NBPF20: variants seen among roughly 807,000 people sequenced by gnomAD.
NBPF20 encodes NBPF family member NBPF20.
NBPF20 carries 90 observed loss-of-function variants against 68.1 expected under a neutral mutation model. That is an observed-to-expected ratio of 1.32 (90% CI 1.11 to 1.58). The LOEUF (loss-of-function observed/expected upper bound fraction) is 1.58, where lower values mean the gene tolerates loss of function less well. Among genes scored for constraint, NBPF20 ranks in the 40% most tolerant of loss-of-function variants. NBPF20 has a pLI of 0.00. For missense variants in NBPF20, 816 were observed against 601.2 expected (o/e 1.36, Z -3.74); for synonymous variants, 290 against 228.1 (o/e 1.27, Z -2.45).
chr1:145,407,401 T>C (rs1267838696), upstream of NBPF20, among the ~76,000 whole-genome samples: 1 of 145,202 alleles, frequency 6.9e-6, no homozygotes, highest in East Asian at 2.0e-4. Flanking sequence ...CGTGTATATA[T>C]ATTATACACA....
chr1:145,291,346 C>A (rs1476239910), exon 138 of NBPF20: 60 of 1,244,038 alleles, frequency 4.8e-5, no homozygotes, highest in Non-Finnish European at 5.8e-5. Flanking sequence ...TAACGTGGGT[C>A]CATTGTCTTC....
chr1:145,378,133 G>T, intron 28 of NBPF20, 39 bp from the exon 34 acceptor site: 1 of 165,154 alleles, frequency 6.1e-6, no homozygotes, highest in Non-Finnish European at 1.1e-5. Flanking sequence ...TATTAAGCTG[G>T]TTCTCCTACA....
the NBPF20 span, among the ~76,000 whole-genome samples, chr1:145,424,533 C>A: frequency 6.6e-6 from 1 of 152,154 alleles, no homozygotes; most frequent in South Asian, 2.1e-4. Context: ...ATTCTTTCGG[C>A]AAAGAAAGGA....
At chr1:145,405,949 C>G (rs1326895631), upstream of NBPF20, among the ~76,000 whole-genome samples, 5 of 149,660 alleles carry the variant, frequency 3.3e-5, no homozygotes, top group Non-Finnish European at 7.4e-5. Context: ...GACAGAGTCT[C>G]ACTCTGTCGC....
At chr1:145,400,933 T>C (rs1662494048) in intron 5 of NBPF20, 126 bp downstream of exon 10, 1 of 1,175,056 alleles carries the variant, frequency 8.5e-7, no homozygotes, top group East Asian at 2.3e-5. Flanking sequence ...AGCTGGGTTA[T>C]ATTTCACATA....
the NBPF20 span, among the ~76,000 whole-genome samples, chr1:145,416,191 A>G: frequency 6.7e-6 from 1 of 148,842 alleles, no homozygotes; most frequent in Non-Finnish European, 1.5e-5. Flanking sequence ...TTATTATGTG[A>G]AAATGTATCA....
the NBPF20 span, among the ~76,000 whole-genome samples, chr1:145,410,915 G>A: frequency 1.3e-4 from 17 of 128,840 alleles, no homozygotes; most frequent in South Asian, 2.7e-3. Flanking sequence ...TTGTGTGTGT[G>A]TGTGTGTATA....
chr1:145,292,573 G>A (rs1222674166), intron 136 of NBPF20, 84 bp from the exon 142 acceptor site: 3 of 739,982 alleles, frequency 4.1e-6, no homozygotes, highest in African/African-American at 3.8e-5. Context: ...CTCACACAGG[G>A]ACCTCAGGCT....
chr1:145,419,133 GAGGAAGGA>G, the NBPF20 span, among the ~76,000 whole-genome samples: 9 of 139,160 alleles, frequency 6.5e-5, no homozygotes, highest in African/African-American at 1.6e-4. Context: ...GGGAGGAAGG[GAGGAAGGA>G]AGGAAGGAAG....
chr1:145,402,494 T>A, intron 3 of NBPF20, 113 bp from the exon 9 acceptor site: 1 of 1,077,376 alleles, frequency 9.3e-7, no homozygotes, highest in Non-Finnish European at 1.4e-6. Context: ...AAGCAGAAGG[T>A]CAGCACATGT....
intron 61 of NBPF20, among the ~76,000 whole-genome samples, chr1:145,352,292 C>G (rs1349893756): frequency 1.1e-5 from 1 of 90,258 alleles, no homozygotes; most frequent in African/African-American, 4.2e-5. Context: ...GATAGACACA[C>G]ACACACACAC....
exon 138 of NBPF20, chr1:145,291,593 C>G: frequency 6.2e-7 from 1 of 1,611,968 alleles, no homozygotes; most frequent in Non-Finnish European, 8.5e-7. Flanking sequence ...AGTAAAAAAC[C>G]TATTGTCCAC....
chr1:145,407,524 C>A (rs1558983556), upstream of NBPF20, among the ~76,000 whole-genome samples: 2 of 144,350 alleles, frequency 1.4e-5, no homozygotes, highest in Admixed American at 7.0e-5. Flanking sequence ...TATATACATA[C>A]GTGTATATAT....
At chr1:145,291,710 C>G (rs782027126) in exon 138 of NBPF20, 6 of 1,611,916 alleles carry the variant, frequency 3.7e-6, no homozygotes, top group Non-Finnish European at 3.4e-6. Context: ...AGAATAACAT[C>G]CATCCAGTGA....
intron 109 of NBPF20, 91 bp from the exon 115 acceptor site, chr1:145,314,095 GT>G (rs1661510921): frequency 1.0e-5 from 1 of 97,540 alleles, no homozygotes; most frequent in Non-Finnish European, 1.8e-5. Flanking sequence ...TAGGGAAGTG[GT>G]TAAAAAACTA....
At chr1:145,411,022 T>TC in the NBPF20 span, among the ~76,000 whole-genome samples, 1 of 145,958 alleles carries the variant, frequency 6.9e-6, no homozygotes, top group African/African-American at 2.5e-5. Context: ...CATTTTTTTT[T>TC]CAACAAAACA....
chr1:145,410,800 A>AT, the NBPF20 span, among the ~76,000 whole-genome samples: 1 of 80,202 alleles, frequency 1.2e-5, no homozygotes, highest in Non-Finnish European at 2.5e-5. Context: ...ATATATACGT[A>AT]TATGTATATA....
upstream of NBPF20, among the ~76,000 whole-genome samples, chr1:145,410,051 A>G (rs1662945943): frequency 6.6e-6 from 1 of 152,050 alleles, no homozygotes; most frequent in African/African-American, 2.4e-5. Context: ...ATTCCTAGGA[A>G]TGGAATGACT....
At chr1:145,399,776 C>CAAAA (rs1176062364) in intron 6 of NBPF20, among the ~76,000 whole-genome samples, 2 of 51,726 alleles carry the variant, frequency 3.9e-5, no homozygotes, top group African/African-American at 9.0e-5. Context: ...GACTCCATCA[C>CAAAA]AAAAAAAAAA....
Sources: allele counts gnomAD v4.1 joint callset (sites outside exome capture counted in the v4.1 genomes callset), GRCh38; gene constraint gnomAD v4.1.1; transcripts MANE v1.5; gene names NCBI Gene and HGNC (gene_info 2026-07-23, HGNC 2026-07-21).